The following ZFHX3 variants were observed in gnomAD, a reference collection of about 807,000 sequenced individuals.
ZFHX3 encodes zinc finger homeobox protein 3.
In ZFHX3, 42 loss-of-function variants were observed where a neutral mutation model predicts 279.1. The observed-to-expected ratio is 0.15, with a 90% confidence interval of 0.12 to 0.19. The LOEUF (loss-of-function observed/expected upper bound fraction) is 0.19. Ranked by LOEUF, ZFHX3 falls within the 10% of genes least tolerant of loss-of-function variation. The pLI, the probability that ZFHX3 is intolerant of heterozygous loss-of-function variation, is 1.00. For missense variants in ZFHX3, 4,981 were observed against 4,754.0 expected, an observed-to-expected ratio of 1.05 and a Z score of -1.40; for synonymous variants, 2,293 against 1,957.8, an observed-to-expected ratio of 1.17 and a Z score of -4.52.
intron 3 of ZFHX3, among the ~76,000 whole-genome samples, chr16:72,916,138 G>C (rs1185231791): frequency 6.6e-6 from 1 of 152,206 alleles, no homozygotes; most frequent in Non-Finnish European, 1.5e-5. Context: ...ATCACTTACA[G>C]AGCAAGAGAC....
At chr16:73,231,025 G>A (rs1382556432) in intron 5 of ZFHX3, among the ~76,000 whole-genome samples, 3 of 152,170 alleles carry the variant, frequency 2.0e-5, no homozygotes, top group Admixed American at 6.5e-5. Context: ...GGTGATGTGA[G>A]CCCAGAGAGA....
At chr16:73,553,601 C>A (rs2020234004) in intron 2 of ZFHX3, among the ~76,000 whole-genome samples, 1 of 152,208 alleles carries the variant, frequency 6.6e-6, no homozygotes, top group Non-Finnish European at 1.5e-5. Context: ...CCACTGGTCA[C>A]CTCCAATGTC....
At chr16:73,648,094 C>T (rs1019678339) in intron 2 of ZFHX3, among the ~76,000 whole-genome samples, 6 of 152,006 alleles carry the variant, frequency 3.9e-5, no homozygotes, top group Admixed American at 2.6e-4. Context: ...AATTATTTAC[C>T]GAAATTTAAA....
chr16:73,188,919 A>G (rs1196854577), intron 5 of ZFHX3, among the ~76,000 whole-genome samples: 1 of 148,644 alleles, frequency 6.7e-6, no homozygotes, highest in Non-Finnish European at 1.5e-5. Context: ...GCTGGAGTGC[A>G]GTGGCGTGGT....
intron 1 of ZFHX3, among the ~76,000 whole-genome samples, chr16:73,869,362 G>A (rs888172606): frequency 1.3e-5 from 2 of 152,166 alleles, no homozygotes; most frequent in African/African-American, 4.8e-5. Context: ...AAGGAAAAGG[G>A]CTAAAACTTA....
chr16:73,055,578 C>G (rs1178879064), intron 1 of ZFHX3, among the ~76,000 whole-genome samples: 2 of 152,158 alleles, frequency 1.3e-5, no homozygotes, highest in Non-Finnish European at 2.9e-5. Flanking sequence ...AAGGCAGTCA[C>G]AGAGTCCTGA....
At chr16:72,903,425 A>G (rs2039088997) in intron 3 of ZFHX3, among the ~76,000 whole-genome samples, 1 of 152,206 alleles carries the variant, frequency 6.6e-6, no homozygotes, top group Non-Finnish European at 1.5e-5. Context: ...CTTGGTGGCC[A>G]CTGTCTTACA....
chr16:73,315,252 AT>A (rs1457052158), intron 4 of ZFHX3, among the ~76,000 whole-genome samples: 9 of 151,990 alleles, frequency 5.9e-5, no homozygotes, highest in South Asian at 2.1e-4. Flanking sequence ...AGCATTTAAT[AT>A]AGTTCAAGTG....
chr16:73,366,689 T>C (rs1462272044), intron 3 of ZFHX3, among the ~76,000 whole-genome samples: 2 of 152,082 alleles, frequency 1.3e-5, no homozygotes, highest in Non-Finnish European at 2.9e-5. Flanking sequence ...TACGTGATAT[T>C]GTTGGCAAAA....
At chr16:73,786,585 T>A (rs529575417) in intron 1 of ZFHX3, among the ~76,000 whole-genome samples, 5 of 152,242 alleles carry the variant, frequency 3.3e-5, no homozygotes, top group African/African-American at 9.6e-5. Context: ...TGGACAACAA[T>A]ATCCTCCTAA....
chr16:73,551,746 C>G (rs947005983), intron 2 of ZFHX3, among the ~76,000 whole-genome samples: 3 of 152,074 alleles, frequency 2.0e-5, no homozygotes, highest in Non-Finnish European at 4.4e-5. Flanking sequence ...GAACATGTAC[C>G]CACAGCCCAC....
intron 5 of ZFHX3, among the ~76,000 whole-genome samples, chr16:73,192,736 C>A (rs572276506): frequency 6.6e-6 from 1 of 152,172 alleles, no homozygotes; most frequent in African/African-American, 2.4e-5. Flanking sequence ...TAACCTCATG[C>A]GCTGGTGCTT....
intron 3 of ZFHX3, among the ~76,000 whole-genome samples, chr16:72,894,571 T>C (rs2038850399): frequency 6.6e-6 from 1 of 152,090 alleles, no homozygotes; most frequent in African/African-American, 2.4e-5. Context: ...GGCCAGTCAG[T>C]CAGCCAAGAA....
At chr16:73,325,578 C>T (rs2015665245) in intron 3 of ZFHX3, among the ~76,000 whole-genome samples, 1 of 152,058 alleles carries the variant, frequency 6.6e-6, no homozygotes, top group Non-Finnish European at 1.5e-5. Flanking sequence ...AGTAGCTCTT[C>T]AAAGTGTCCA....
intron 1 of ZFHX3, among the ~76,000 whole-genome samples, chr16:73,859,068 C>T (rs537247277): frequency 1.5e-4 from 23 of 152,314 alleles, no homozygotes; most frequent in Non-Finnish European, 2.6e-4. Flanking sequence ...GGAAAAGTAG[C>T]TGTACAGCTA....
intron 1 of ZFHX3, among the ~76,000 whole-genome samples, chr16:73,881,684 G>C (rs904171787): frequency 1.3e-5 from 2 of 151,936 alleles, no homozygotes; most frequent in African/African-American, 4.8e-5. Context: ...CTATATGTGT[G>C]TGTGTGTGTA....
At chr16:73,514,306 A>G (rs2019484287) in intron 2 of ZFHX3, among the ~76,000 whole-genome samples, 1 of 152,132 alleles carries the variant, frequency 6.6e-6, no homozygotes, top group Admixed American at 6.6e-5. Context: ...GTGAAGGATG[A>G]GTCTGTATTT....
chr16:73,877,258 C>G (rs901674195), intron 1 of ZFHX3, among the ~76,000 whole-genome samples: 2 of 151,478 alleles, frequency 1.3e-5, no homozygotes, highest in Non-Finnish European at 2.9e-5. Flanking sequence ...TTTCACAATT[C>G]ATCAGTTTTT....
intron 7 of ZFHX3, among the ~76,000 whole-genome samples, chr16:73,114,191 T>C (rs1280721376): frequency 2.6e-5 from 4 of 151,820 alleles, no homozygotes; most frequent in Admixed American, 2.0e-4. Flanking sequence ...TCCCAAAGTG[T>C]TGGGATTCAG....
Sources: allele counts gnomAD v4.1 joint callset (sites outside exome capture counted in the v4.1 genomes callset), GRCh38; gene constraint gnomAD v4.1.1; transcripts MANE v1.5; gene names NCBI Gene and HGNC (gene_info 2026-07-23, HGNC 2026-07-21).